Variants in CA10 observed in about 807,000 individuals in gnomAD.
CA10 encodes carbonic anhydrase-related protein 10.
In CA10, 14 loss-of-function variants were observed where a neutral mutation model predicts 44.2. The ratio of observed to expected loss-of-function variants is 0.32; its 90% confidence interval spans 0.21 to 0.50. The LOEUF is 0.50. Ranked by LOEUF, CA10 falls within the 20% of genes least tolerant of loss-of-function variation. The pLI, the probability that CA10 is intolerant of heterozygous loss-of-function variation, is 0.99. For synonymous variants in CA10, 159 were observed against 141.6 expected, an observed-to-expected ratio of 1.12 and a Z score of -0.87; for missense variants, 350 against 409.7, an observed-to-expected ratio of 0.85 and a Z score of 1.26.
At chr17:51,787,578 C>T (rs1906341130) in intron 3 of CA10, among the ~76,000 whole-genome samples, 1 of 152,054 alleles carries the variant, frequency 6.6e-6, no homozygotes, top group Admixed American at 6.6e-5. Context: ...GCAACCTCCA[C>T]TTCCCAGGCT....
At chr17:52,038,279 T>C (rs1986673543) in intron 2 of CA10, among the ~76,000 whole-genome samples, 1 of 152,142 alleles carries the variant, frequency 6.6e-6, no homozygotes, top group South Asian at 2.1e-4. Context: ...TAACCAGGTA[T>C]CTACTAGGCA....
chr17:51,846,018 G>A (rs541394961), intron 3 of CA10, among the ~76,000 whole-genome samples: 36 of 152,292 alleles, frequency 2.4e-4, no homozygotes, highest in African/African-American at 8.7e-4. Context: ...CTGATCCCTC[G>A]AGAGCCCAGT....
At chr17:52,085,596 T>C (rs1486719390) in intron 1 of CA10, among the ~76,000 whole-genome samples, 2 of 152,230 alleles carry the variant, frequency 1.3e-5, no homozygotes, top group Non-Finnish European at 2.9e-5. Flanking sequence ...AACTTATCTG[T>C]TTTCCAAAAC....
rs138199238 is a variant in CA10, at chr17:52,146,671, A to AAAAT, written c.61+11051_61+11054dup. ...CACCGACAGAGCGAGACTCCGTCTC[A>AAAAT]AAATAAATAAATAAATAAATAAATA... On this transcript the variant is annotated intron_variant, in intron 1 of 8. Coordinates refer to ENST00000451037, the MANE Select transcript of CA10 (RefSeq NM_020178.5). Among the ~76,000 whole-genome samples, 638 of 149,532 alleles carry AAAAT rather than the reference A, an allele frequency of 4.3e-3. 5 individuals carry two copies. Among genetic ancestry groups the AAAAT allele is most frequent in the African/African-American group, 0.012 (504 of 40,510 alleles).
At chr17:51,915,798 T>C (rs1981971578) in intron 3 of CA10, among the ~76,000 whole-genome samples, 1 of 152,126 alleles carries the variant, frequency 6.6e-6, no homozygotes, top group African/African-American at 2.4e-5. Flanking sequence ...TGCAGAAATA[T>C]GGCTCACTCC....
intron 3 of CA10, among the ~76,000 whole-genome samples, chr17:51,924,416 C>A (rs1031877606): frequency 6.6e-6 from 1 of 152,130 alleles, no homozygotes; most frequent in Non-Finnish European, 1.5e-5. Context: ...AGCATTTATA[C>A]CTGATTTATA....
chr17:51,797,616 GA>G (rs1467719577), intron 3 of CA10, among the ~76,000 whole-genome samples: 1 of 152,126 alleles, frequency 6.6e-6, no homozygotes. Flanking sequence ...AGCACTTTGG[GA>G]AGCTGAGGCA....
chr17:52,063,308 T>C (rs1389051606), intron 2 of CA10, among the ~76,000 whole-genome samples: 13 of 152,104 alleles, frequency 8.5e-5, no homozygotes, highest in Admixed American at 8.5e-4. Context: ...ATTTGGGACT[T>C]TTGAGTAGAT....
chr17:51,862,559 G>T (rs954959774), intron 3 of CA10, among the ~76,000 whole-genome samples: 1 of 152,034 alleles, frequency 6.6e-6, no homozygotes, highest in African/African-American at 2.4e-5. Flanking sequence ...GAAATACAGT[G>T]CCATAATCAT....
intron 3 of CA10, among the ~76,000 whole-genome samples, chr17:51,872,148 T>C (rs1309147586): frequency 6.6e-6 from 1 of 152,214 alleles, no homozygotes; most frequent in Non-Finnish European, 1.5e-5. Context: ...GTCTTTTCTA[T>C]GGAGAATTTC....
intron 1 of CA10, among the ~76,000 whole-genome samples, chr17:52,141,974 C>A (rs964715130): frequency 6.6e-6 from 1 of 152,100 alleles, no homozygotes; most frequent in Non-Finnish European, 1.5e-5. Context: ...CAAGAAGAGC[C>A]GATGGGGCAT....
At chr17:51,917,418 C>T (rs538905875) in intron 3 of CA10, among the ~76,000 whole-genome samples, 6 of 110,014 alleles carry the variant, frequency 5.5e-5, no homozygotes, top group African/African-American at 1.0e-4. Flanking sequence ...GTGTTATTCA[C>T]GCTTAGGAGG....
chr17:51,959,117 T>C (rs993134505), intron 2 of CA10, among the ~76,000 whole-genome samples: 3 of 151,936 alleles, frequency 2.0e-5, no homozygotes, highest in Admixed American at 2.0e-4. Flanking sequence ...GAAACATATG[T>C]ACCTGTCTGT....
chr17:51,776,624 C>T (rs1029312789), intron 3 of CA10, among the ~76,000 whole-genome samples: 1 of 152,094 alleles, frequency 6.6e-6, no homozygotes, highest in African/African-American at 2.4e-5. Flanking sequence ...GTTTAAATTT[C>T]ATAAAACTTG....
intron 3 of CA10, among the ~76,000 whole-genome samples, chr17:51,810,227 T>C (rs1309486659): frequency 6.6e-6 from 1 of 152,216 alleles, no homozygotes; most frequent in Non-Finnish European, 1.5e-5. Flanking sequence ...CATTAGAATA[T>C]AAAATCCAAG....
intron 2 of CA10, among the ~76,000 whole-genome samples, chr17:51,932,724 C>T (rs1982714141): frequency 6.6e-6 from 1 of 152,082 alleles, no homozygotes; most frequent in Non-Finnish European, 1.5e-5. Flanking sequence ...GAAACATTGA[C>T]ACATGTGCAT....
chr17:51,815,570 GGCCCCTAA>G (rs1233324667), intron 3 of CA10, among the ~76,000 whole-genome samples: 1 of 152,094 alleles, frequency 6.6e-6, no homozygotes, highest in Non-Finnish European at 1.5e-5. Flanking sequence ...GAAATGATCA[GGCCCCTAA>G]GCCATCCATG....
Position 51,829,480 on chromosome 17 carries a change from G to A in CA10, c.280-81662C>T, listed in dbSNP as rs560277780. 7.9e-5 allele frequency among the ~76,000 whole-genome samples: 12 copies of A among 152,270 alleles called. No homozygotes were observed. In the South Asian group the frequency reaches 2.5e-3, roughly 32 times the overall value. On this transcript the variant is annotated intron_variant, in intron 3 of 8. Coordinates refer to ENST00000451037, the MANE Select transcript of CA10 (RefSeq NM_020178.5). The stretch of plus-strand genomic sequence containing the variant: ...GCCATGCAAATGAAGGCAGCCATGA[G>A]GAGCTACGTTGAAAAGCTTCATGCT...
intron 2 of CA10, among the ~76,000 whole-genome samples, chr17:52,064,993 T>C (rs1355871396): frequency 2.0e-5 from 3 of 152,180 alleles, no homozygotes; most frequent in Non-Finnish European, 4.4e-5. Context: ...TCCATCCAAA[T>C]ACTTTATGTG....
Sources: gnomAD v4.1 joint callset for allele counts (sites outside exome capture counted in the v4.1 genomes callset) on GRCh38, gnomAD v4.1.1 for gene constraint, MANE v1.5 for transcripts, NCBI Gene and HGNC (gene_info 2026-07-23, HGNC 2026-07-21) for gene names.